HAT1: variants seen among roughly 807,000 people sequenced by gnomAD.
HAT1 encodes histone acetyltransferase 1, also known as histone acetyltransferase type B catalytic subunit.
HAT1 carries 20 observed loss-of-function variants against 56.6 expected under a neutral mutation model. That is an observed-to-expected ratio of 0.35 (90% CI 0.25 to 0.51). HAT1 has a LOEUF of 0.51. Among genes scored for constraint, HAT1 ranks in the 20% least tolerant of loss-of-function variants. The pLI is 0.95. For missense variants in HAT1, 408 were observed against 504.3 expected, an observed-to-expected ratio of 0.81 and a Z score of 1.83; for synonymous variants, 146 against 165.5, an observed-to-expected ratio of 0.88 and a Z score of 0.91.
chr2:171,949,001 G>A (rs79847500), intron 3 of HAT1, among the ~76,000 whole-genome samples: 3,357 of 152,188 alleles, frequency 0.022, 57 homozygotes, highest in Middle Eastern at 0.037. Flanking sequence ...CTGTGAGACC[G>A]AAAATATCCT....
At chr2:171,977,551 AT>A (rs1377831533) in intron 9 of HAT1, among the ~76,000 whole-genome samples, 8 of 13,438 alleles carry the variant, frequency 6.0e-4, no homozygotes, top group African/African-American at 2.4e-3. Context: ...ATATATATAT[AT>A]ATATATTTTT....
At chr2:171,956,989 G>T (rs1687463242) in intron 4 of HAT1, among the ~76,000 whole-genome samples, 1 of 152,204 alleles carries the variant, frequency 6.6e-6, no homozygotes, top group African/African-American at 2.4e-5. Context: ...CTCCTCAGTT[G>T]TCTCAGCAAA....
At position 171,953,992 on chromosome 2, in the gene HAT1, C is replaced by CA. The variant is rs202107739; in HGVS notation, c.309+1000dup. Among the ~76,000 whole-genome samples the CA allele has an allele frequency of 1.4e-3, 205 of 150,900 alleles. 1 individual carries two copies. The highest frequency in any genetic ancestry group is 4.4e-3 in the African/African-American group (180 of 41,196). On this transcript the variant is annotated intron_variant, in intron 4 of 10. Coordinates refer to ENST00000264108, the MANE Select transcript of HAT1 (RefSeq NM_003642.4). Reference sequence around the variant, plus strand: ...CCTGGGTGACAGAGTGAAACTGTCTCAAAAAAAAATTAATTAATTAAATAA... The same window carrying CA: ...CCTGGGTGACAGAGTGAAACTGTCTCAAAAAAAAAATTAATTAATTAAATAA...
At chr2:171,971,626 G>T (rs1223166054) in intron 8 of HAT1, among the ~76,000 whole-genome samples, 1 of 152,130 alleles carries the variant, frequency 6.6e-6, no homozygotes, top group East Asian at 1.9e-4. Context: ...TTATTACCGG[G>T]CTCTCTAATG....
intron 2 of HAT1, among the ~76,000 whole-genome samples, chr2:171,941,221 TG>T (rs1441900394): frequency 6.6e-6 from 1 of 152,156 alleles, no homozygotes; most frequent in Non-Finnish European, 1.5e-5. Context: ...GTTGTTGTTT[TG>T]TTTTTTTTGA....
intron 2 of HAT1, among the ~76,000 whole-genome samples, chr2:171,932,544 G>C (rs1002252717): frequency 2.6e-5 from 4 of 152,030 alleles, no homozygotes; most frequent in Admixed American, 2.0e-4. Flanking sequence ...TTGGCAGAAA[G>C]TTGCTTACAG....
rs371150934 is a variant in HAT1 at position 171,952,905 on chromosome 2, T to A, written c.213T>A (p.Gly71=). 2 of 1,594,792 alleles carry A rather than the reference T, an allele frequency of 1.3e-6. No homozygotes were observed. Among genetic ancestry groups the A allele is most frequent in the Non-Finnish European group, 1.7e-6 (2 of 1,166,376 alleles). ...GDDETAFGYK[G]LKILLYYIAG... ...GTGAAACTGCTTTTGGTTACAAGGGTCTAAAGATCCTGTTATACTATATTG... is the reference window on the plus strand; with the variant it reads ...GTGAAACTGCTTTTGGTTACAAGGGACTAAAGATCCTGTTATACTATATTG... The change falls in exon 4 of 11, where the codon GGT becomes GGA. Residue 71 remains glycine, a synonymous_variant. Transcript: ENST00000264108.
intron 4 of HAT1, chr2:171,965,126 CTTATT>C: frequency 2.0e-6 from 1 of 493,320 alleles, no homozygotes; most frequent in Non-Finnish European, 3.6e-6. Flanking sequence ...CCTGCCTTCT[CTTATT>C]TACTTTTATA....
chr2:171,926,206 C>T (rs1045506196), intron 2 of HAT1, among the ~76,000 whole-genome samples: 3 of 152,278 alleles, frequency 2.0e-5, no homozygotes, highest in Non-Finnish European at 4.4e-5. Flanking sequence ...CTGCCTCCAA[C>T]CCCTGGGCTC....
Position 171,965,347 on chromosome 2 carries a change from G to T in HAT1, c.319G>T (p.Val107Phe). 1 of 1,597,064 alleles carries T rather than the reference G, an allele frequency of 6.3e-7. No homozygotes were observed. The highest frequency in any genetic ancestry group is 1.1e-5 in the South Asian group (1 of 89,550). ...ENFDCVEADD[V>F]EGKIRQIIPP... Reference sequence around the variant, plus strand: ...ATCCTTTATTCTTTAGGCAGATGATGTTGAGGGCAAAATTAGACAAATCAT... The same window carrying T: ...ATCCTTTATTCTTTAGGCAGATGATTTTGAGGGCAAAATTAGACAAATCAT... Residue 107 changes from valine to phenylalanine, a missense_variant, in exon 5 of 11, where the codon GTT becomes TTT. Coordinates refer to ENST00000264108, the MANE Select transcript of HAT1 (RefSeq NM_003642.4).
rs587686867 is a variant in HAT1 at position 171,953,626 on chromosome 2, T to TAAAAAAAAAAAAA, written c.309+642_309+654dup. Among the ~76,000 whole-genome samples the TAAAAAAAAAAAAA allele has an allele frequency of 9.6e-4, 81 of 84,584 alleles. 2 individuals are homozygous for TAAAAAAAAAAAAA. The highest frequency in any genetic ancestry group is 2.7e-3 in the African/African-American group (51 of 18,754). The allele number at this position is 84,584 out of a possible 152,430, so 55.5% of individuals were successfully genotyped here. A position where few individuals can be genotyped will look rare whatever the true frequency, so the allele number is the denominator to read the frequency against. ...GGCAACAGAACAAGACCCTGTCTCTTAAAAAAAAAAAAAAAAAAAAAAAAA... is the reference window on the plus strand; with the variant it reads ...GGCAACAGAACAAGACCCTGTCTCTTAAAAAAAAAAAAAAAAAAAAAAAAAAAAAAAAAAAAAA... On this transcript the variant is annotated intron_variant, in intron 4 of 10. Transcript: ENST00000264108.
chr2:171,935,494 A>G (rs1435680026), intron 2 of HAT1, among the ~76,000 whole-genome samples: 2 of 144,160 alleles, frequency 1.4e-5, no homozygotes, highest in South Asian at 2.3e-4. Context: ...CAGCCTGGGC[A>G]ACAAGAGCAA....
Position 171,983,531 on chromosome 2 carries a change from G to C in HAT1, c.*179G>C. ...TTTTAAAATACTGTTTAGAGTTTAT[G>C]AGCATATATTGCATTTAAAGAAAGA... On this transcript the variant is annotated 3_prime_UTR_variant, in exon 11 of 11. Coordinates refer to ENST00000264108, the MANE Select transcript of HAT1 (RefSeq NM_003642.4). 2.4e-6 allele frequency: 1 copy of C among 417,212 alleles called. No homozygotes were observed. Among genetic ancestry groups the C allele is most frequent in the Non-Finnish European group, 4.3e-6 (1 of 234,064 alleles). The allele number at this position is 417,212 out of a possible 1,614,324, so 25.8% of individuals were successfully genotyped here. A position where few individuals can be genotyped will look rare whatever the true frequency, so the allele number is the denominator to read the frequency against.
chr2:171,949,465 C>T (rs1687250610), intron 3 of HAT1, among the ~76,000 whole-genome samples: 1 of 152,030 alleles, frequency 6.6e-6, no homozygotes, highest in South Asian at 2.1e-4. Flanking sequence ...TTTGCCTGAG[C>T]CAGGAGTTTG....
chr2:171,934,053 T>C (rs1256033752), intron 2 of HAT1, among the ~76,000 whole-genome samples: 1 of 152,242 alleles, frequency 6.6e-6, no homozygotes, highest in Non-Finnish European at 1.5e-5. Context: ...GCTCTGATAT[T>C]AGGTACATAC....
At chr2:171,969,967 C>A (rs1269839670) in intron 8 of HAT1, among the ~76,000 whole-genome samples, 2 of 152,020 alleles carry the variant, frequency 1.3e-5, no homozygotes, top group Non-Finnish European at 2.9e-5. Flanking sequence ...GCCTGGGCAA[C>A]ATAGGGAGAT....
At chr2:171,980,303 A>C (rs1297935099) in intron 10 of HAT1, 1 of 152,108 alleles carries the variant, frequency 6.6e-6, no homozygotes, top group East Asian at 1.9e-4. Context: ...CCCAGATAAA[A>C]GCAAAGTTAT....
chr2:171,974,210 A>AAAAAAAG, intron 8 of HAT1, among the ~76,000 whole-genome samples: 1 of 72,724 alleles, frequency 1.4e-5, no homozygotes, highest in African/African-American at 4.0e-5. Flanking sequence ...AGAAAAAGAA[A>AAAAAAAG]AAAAAAAAAA....
intron 2 of HAT1, among the ~76,000 whole-genome samples, chr2:171,943,410 CAAAAAAAAAAA>C (rs377749207): frequency 8.5e-5 from 5 of 58,662 alleles, no homozygotes; most frequent in African/African-American, 9.1e-5. Context: ...GACTCTGTCT[CAAAAAAAAAAA>C]AAAAAAAAAA....
Sources: allele counts gnomAD v4.1 joint callset (sites outside exome capture counted in the v4.1 genomes callset), GRCh38; gene constraint gnomAD v4.1.1; transcripts MANE v1.5; gene names NCBI Gene and HGNC (gene_info 2026-07-23, HGNC 2026-07-21).